Variants in ANKRD44 observed in about 807,000 individuals in gnomAD.
ANKRD44 encodes the protein serine/threonine-protein phosphatase 6 regulatory ankyrin repeat subunit B.
A neutral mutation model predicts 116.0 loss-of-function variants in ANKRD44; 35 were observed. The observed-to-expected ratio is 0.30, with a 90% confidence interval of 0.23 to 0.40. ANKRD44 has a LOEUF of 0.40. ANKRD44 is among the 10% of genes least tolerant of loss of function. The pLI, the probability that ANKRD44 is intolerant of heterozygous loss-of-function variation, is 1.00. For missense variants in ANKRD44, 1,014 were observed against 1,242.6 expected (o/e 0.82, Z 2.77); for synonymous variants, 435 against 461.8 (o/e 0.94, Z 0.74).
intron 1 of ANKRD44, chr2:197,263,486 T>TG (rs1349763140): frequency 2.5e-5 from 10 of 397,410 alleles, no homozygotes; most frequent in Non-Finnish European, 9.5e-6. Context: ...TAGGAAACCA[T>TG]GGGGCTCTTT....
chr2:197,002,458 T>C (rs1216154651), intron 21 of ANKRD44, among the ~76,000 whole-genome samples: 1 of 152,222 alleles, frequency 6.6e-6, no homozygotes, highest in African/African-American at 2.4e-5. Flanking sequence ...TCAAGTTAAG[T>C]AAGGTCCTAG....
chr2:197,022,101 A>G (rs753806806), intron 17 of ANKRD44, among the ~76,000 whole-genome samples: 6 of 152,176 alleles, frequency 3.9e-5, no homozygotes, highest in Non-Finnish European at 8.8e-5. Flanking sequence ...GTTTGGGGGC[A>G]TCTGGTTCCA....
At chr2:197,139,628 T>C (rs1330416922) in intron 3 of ANKRD44, among the ~76,000 whole-genome samples, 4 of 151,254 alleles carry the variant, frequency 2.6e-5, no homozygotes, top group Admixed American at 6.6e-5. Context: ...TAAAAATATA[T>C]AGATATAGAT....
chr2:197,110,117 T>C (rs2579403), intron 9 of ANKRD44, among the ~76,000 whole-genome samples: 122,669 of 151,946 alleles, frequency 0.81, 53,067 homozygotes, highest in East Asian at 0.98. Flanking sequence ...GCTGGGATTA[T>C]AGGCACCTGC....
At chr2:196,984,974 T>C (rs747922892), downstream of ANKRD44, among the ~76,000 whole-genome samples, 11 of 152,186 alleles carry the variant, frequency 7.2e-5, no homozygotes, top group Non-Finnish European at 1.6e-4. Flanking sequence ...ATGAGAAAAA[T>C]GATGAAATAT....
intron 2 of ANKRD44, among the ~76,000 whole-genome samples, chr2:197,183,253 C>A (rs2080561138): frequency 6.6e-6 from 1 of 151,474 alleles, no homozygotes; most frequent in African/African-American, 2.4e-5. Context: ...GAGGTGAGGG[C>A]AGGGAAAGGT....
At chr2:196,977,394 T>C (rs901836882) in intron 21 of ANKRD44, among the ~76,000 whole-genome samples, 4 of 152,186 alleles carry the variant, frequency 2.6e-5, no homozygotes, top group Admixed American at 6.5e-5. Flanking sequence ...AAGGATACTG[T>C]CGAGAAAAGG....
intron 1 of ANKRD44, among the ~76,000 whole-genome samples, chr2:197,210,979 C>T (rs1394347358): frequency 6.6e-6 from 1 of 152,142 alleles, no homozygotes; most frequent in African/African-American, 2.4e-5. Flanking sequence ...CACACACTCC[C>T]TCATAGTATG....
At chr2:197,261,803 C>T (rs2082612211) in intron 1 of ANKRD44, among the ~76,000 whole-genome samples, 1 of 152,088 alleles carries the variant, frequency 6.6e-6, no homozygotes, top group African/African-American at 2.4e-5. Context: ...ACAACAGGAA[C>T]ATTTGTCACA....
Position 197,008,524 on chromosome 2 carries a change from CT to C in ANKRD44, c.2012+419del, listed in dbSNP as rs1159162226. On this transcript the variant is annotated intron_variant, in intron 19 of 27. Coordinates refer to ENST00000282272, the MANE Select transcript of ANKRD44 (RefSeq NM_001195144.2). Reference sequence around the variant, plus strand: ...GGAATATGCCAACAGAAGGAAATTACTTTGAAAAAGCAAAGTTGAGGAAGAA... The same window carrying C: ...GGAATATGCCAACAGAAGGAAATTACTTGAAAAAGCAAAGTTGAGGAAGAA... Among the ~76,000 whole-genome samples, 4 of 152,232 alleles carry C rather than the reference CT, an allele frequency of 2.6e-5. No individual in the cohort carries two copies. The East Asian group carries it at 7.7e-4, about 29-fold the overall frequency.
intron 16 of ANKRD44, among the ~76,000 whole-genome samples, chr2:197,051,294 TCA>T (rs907947309): frequency 2.6e-5 from 4 of 152,190 alleles, no homozygotes; most frequent in African/African-American, 9.7e-5. Context: ...TGCTGATGAC[TCA>T]CACACAATAG....
intron 16 of ANKRD44, among the ~76,000 whole-genome samples, chr2:197,071,279 G>A (rs910255906): frequency 1.3e-5 from 2 of 152,134 alleles, no homozygotes; most frequent in Non-Finnish European, 2.9e-5. Flanking sequence ...TCTTGAGGTA[G>A]AAGCTTAGAT....
intron 10 of ANKRD44, 43 bp downstream of exon 10, chr2:197,099,773 C>T: frequency 6.2e-7 from 1 of 1,610,316 alleles, no homozygotes; most frequent in Non-Finnish European, 8.5e-7. Flanking sequence ...GGCAGTATTC[C>T]CACTTGAGGC....
At chr2:197,290,972 G>T (rs1406003057) in intron 1 of ANKRD44, among the ~76,000 whole-genome samples, 1 of 152,070 alleles carries the variant, frequency 6.6e-6, no homozygotes, top group Non-Finnish European at 1.5e-5. Context: ...ACTTTGGGAG[G>T]CCAAGGAGGG....
At chr2:197,307,359 C>T (rs562948156) in intron 1 of ANKRD44, among the ~76,000 whole-genome samples, 5 of 152,128 alleles carry the variant, frequency 3.3e-5, no homozygotes, top group Admixed American at 2.0e-4. Context: ...CGGTTTTAGC[C>T]CCATATGCTG....
chr2:197,263,337 G>C, intron 1 of ANKRD44: 1 of 536,566 alleles, frequency 1.9e-6, no homozygotes, highest in Non-Finnish European at 3.3e-6. Flanking sequence ...AAGTTCATTG[G>C]GGCTGGGGCG....
In ANKRD44 at chr2:197,265,395, C is replaced by T. The variant is rs140186193; in HGVS notation, c.27+45183G>A. On this transcript the variant is annotated intron_variant, in intron 1 of 27. Coordinates refer to ENST00000282272, the MANE Select transcript of ANKRD44 (RefSeq NM_001195144.2). Reference sequence around the variant, plus strand: ...CCGAATAGCTGGGACTATAGGGGTGCGTCACAGCACCAGCTAATTTTTTGA... The same window carrying T: ...CCGAATAGCTGGGACTATAGGGGTGTGTCACAGCACCAGCTAATTTTTTGA... 8.1e-4 allele frequency among the ~76,000 whole-genome samples: 123 copies of T among 151,950 alleles called. 1 individual carries two copies. The highest frequency in any genetic ancestry group is 2.8e-3 in the African/African-American group (115 of 41,438).
intron 1 of ANKRD44, among the ~76,000 whole-genome samples, chr2:197,246,155 GCCTA>G (rs2082185866): frequency 6.6e-6 from 1 of 151,994 alleles, no homozygotes; most frequent in African/African-American, 2.4e-5. Flanking sequence ...ACTGTGCCCT[GCCTA>G]CCTAACTCCT....
chr2:197,116,173 G>A (rs558095932), intron 8 of ANKRD44, among the ~76,000 whole-genome samples: 2 of 152,180 alleles, frequency 1.3e-5, no homozygotes, highest in African/African-American at 2.4e-5. Flanking sequence ...CAGTTAACTG[G>A]GAGCAGTAGG....
Sources: gnomAD v4.1 joint callset for allele counts (sites outside exome capture counted in the v4.1 genomes callset) on GRCh38, gnomAD v4.1.1 for gene constraint, MANE v1.5 for transcripts, NCBI Gene and HGNC (gene_info 2026-07-23, HGNC 2026-07-21) for gene names.